Variants in SUCLA2 observed in about 807,000 individuals in gnomAD.
SUCLA2 encodes succinate--CoA ligase [ADP-forming] subunit beta, mitochondrial.
A neutral mutation model predicts 54.8 loss-of-function variants in SUCLA2; 30 were observed. That is an observed-to-expected ratio of 0.55 (90% confidence interval 0.41 to 0.74). The LOEUF (loss-of-function observed/expected upper bound fraction) is 0.74, where lower values mean the gene tolerates loss of function less well. SUCLA2 is among the 30% of genes least tolerant of loss of function. The pLI is 0.00. For missense variants in SUCLA2, 476 were observed against 562.9 expected (o/e 0.85, Z 1.56); for synonymous variants, 172 against 188.9 (o/e 0.91, Z 0.74).
chr13:47,968,855 T>C (rs1949939466), intron 5 of SUCLA2, 122 bp from the exon 6 acceptor site: 1 of 1,131,372 alleles, frequency 8.8e-7, no homozygotes, highest in Non-Finnish European at 1.2e-6. Context: ...TAGTCAAACA[T>C]TACTGAAATA....
chr13:47,956,446 G>A (rs1054856751), intron 6 of SUCLA2, among the ~76,000 whole-genome samples: 12 of 152,052 alleles, frequency 7.9e-5, no homozygotes, highest in Non-Finnish European at 1.3e-4. Context: ...TGGAAGAAAA[G>A]GAGAATGGGA....
chr13:47,976,352 C>T (rs978335367), intron 4 of SUCLA2, among the ~76,000 whole-genome samples: 1 of 152,166 alleles, frequency 6.6e-6, no homozygotes, highest in Non-Finnish European at 1.5e-5. Context: ...TTCATTTTAT[C>T]CACATCAGCA....
intron 4 of SUCLA2, among the ~76,000 whole-genome samples, chr13:47,973,953 G>A (rs1730456007): frequency 6.6e-6 from 1 of 152,100 alleles, no homozygotes; most frequent in African/African-American, 2.4e-5. Context: ...GCTGGGGCAA[G>A]GGGAGGGATA....
intron 2 of SUCLA2, chr13:47,991,613 A>C (rs749950321): frequency 7.9e-5 from 12 of 152,262 alleles, no homozygotes; most frequent in Non-Finnish European, 1.2e-4. Context: ...CCAGGAGGGC[A>C]GAATCTTTGT....
At chr13:47,951,052 T>A (rs1949771348) in intron 8 of SUCLA2, among the ~76,000 whole-genome samples, 1 of 152,156 alleles carries the variant, frequency 6.6e-6, no homozygotes, top group African/African-American at 2.4e-5. Context: ...AGAGTTTCCA[T>A]ATTCACCACC....
At chr13:47,952,022 A>C (rs916895540) in intron 8 of SUCLA2, among the ~76,000 whole-genome samples, 2 of 151,024 alleles carry the variant, frequency 1.3e-5, no homozygotes, top group African/African-American at 4.9e-5. Flanking sequence ...CTGGAAGAGT[A>C]ATCTCTCCTG....
At chr13:47,983,050 G>C (rs7327806) in intron 4 of SUCLA2, among the ~76,000 whole-genome samples, 66 of 152,164 alleles carry the variant, frequency 4.3e-4, no homozygotes, top group African/African-American at 1.3e-3. Flanking sequence ...TCAAGTGCAG[G>C]ACTATGCTCT....
Position 47,999,612 on chromosome 13 carries a change from C to T in SUCLA2, c.90+1568G>A, listed in dbSNP as rs183477864. Among the ~76,000 whole-genome samples the T allele has an allele frequency of 6.1e-4, 92 of 151,764 alleles. No individual in the cohort carries two copies. The East Asian group carries it at 0.016, about 27-fold the overall frequency. On this transcript the variant is annotated intron_variant, in intron 1 of 10. Transcript: ENST00000646932. The stretch of plus-strand genomic sequence containing the variant: ...GTCCCAGCTACTAGGGAGGCTGAGG[C>T]AGGAGAATGGCATGAACCCGGGAGG...
intron 5 of SUCLA2, among the ~76,000 whole-genome samples, chr13:47,970,518 T>G (rs1471886440): frequency 6.6e-6 from 1 of 152,220 alleles, no homozygotes; most frequent in Admixed American, 6.5e-5. Context: ...TCAATTTGCT[T>G]TATTCTCCAT....
intron 4 of SUCLA2, among the ~76,000 whole-genome samples, chr13:47,982,889 C>A (rs985493281): frequency 6.6e-6 from 1 of 152,098 alleles, no homozygotes; most frequent in African/African-American, 2.4e-5. Flanking sequence ...TATCCTTTGG[C>A]TATAATAAAA....
chr13:47,949,024 T>C lies in SUCLA2; in HGVS notation c.1233A>G (p.Thr411=). The C allele has an allele frequency of 6.2e-7, 1 of 1,613,534 alleles. No homozygotes were observed. The highest frequency in any genetic ancestry group is 8.5e-7 in the Non-Finnish European group (1 of 1,179,512). Residue 411 remains threonine, a synonymous_variant, in exon 10 of 11, where the codon ACA becomes ACG. Coordinates refer to ENST00000646932, the MANE Select transcript of SUCLA2 (RefSeq NM_003850.3). The part of the protein sequence containing the change: ...KIPVVVRLQG[T]RVDDAKALIA... ...TCAGTGCCTTAGCATCATCGACTCG[T>C]GTACCTGTAAATGATTTATGCAAAT...
Position 47,989,525 on chromosome 13 carries a change from C to T in SUCLA2, c.272-544G>A, listed in dbSNP as rs558995697. ...TGCTGGGATTACAGGCATGAGCCACCGCACCTGGCCACATTAAACCATTTC... is the reference window on the plus strand; with the variant it reads ...TGCTGGGATTACAGGCATGAGCCACTGCACCTGGCCACATTAAACCATTTC... On this transcript the variant is annotated intron_variant, in intron 2 of 10. Coordinates refer to ENST00000646932, the MANE Select transcript of SUCLA2 (RefSeq NM_003850.3). Among the ~76,000 whole-genome samples, 539 of 148,866 alleles carry T rather than the reference C, an allele frequency of 3.6e-3. 4 individuals carry two copies. Among genetic ancestry groups the T allele is most frequent in the African/African-American group, 0.012 (506 of 40,652 alleles).
chr13:47,980,202 G>A (rs1047394117), intron 4 of SUCLA2, among the ~76,000 whole-genome samples: 1 of 152,098 alleles, frequency 6.6e-6, no homozygotes, highest in African/African-American at 2.4e-5. Context: ...AGATCATGAG[G>A]TCAGGAGATC....
intron 9 of SUCLA2, among the ~76,000 whole-genome samples, chr13:47,949,269 C>A (rs547285109): frequency 6.6e-6 from 1 of 152,130 alleles, no homozygotes; most frequent in African/African-American, 2.4e-5. Context: ...AGACAAATCA[C>A]AACAAATAAA....
rs890619642 is a variant in SUCLA2 at position 47,993,591 on chromosome 13, T to C, written c.271+3252A>G. Reference sequence around the variant, plus strand: ...AGAAAATGATGGACATGGTAGGAAATACTGGGTAAAGAGGCTCAGTGGCCC... The same window carrying C: ...AGAAAATGATGGACATGGTAGGAAACACTGGGTAAAGAGGCTCAGTGGCCC... On this transcript the variant is annotated intron_variant, in intron 2 of 10. Transcript: ENST00000646932. Among the ~76,000 whole-genome samples the C allele has an allele frequency of 3.3e-5, 5 of 152,302 alleles. No homozygotes were observed. In the South Asian group the frequency reaches 1.0e-3, roughly 32 times the overall value.
chr13:47,979,281 C>T (rs939101734), intron 4 of SUCLA2, among the ~76,000 whole-genome samples: 3 of 152,166 alleles, frequency 2.0e-5, no homozygotes, highest in Non-Finnish European at 4.4e-5. Context: ...AAATGTGGCA[C>T]ATATACACCA....
At chr13:47,966,258 A>AT (rs1233907574) in intron 6 of SUCLA2, among the ~76,000 whole-genome samples, 1 of 152,108 alleles carries the variant, frequency 6.6e-6, no homozygotes, top group Non-Finnish European at 1.5e-5. Context: ...TATAGTATTT[A>AT]TTTCTGTATC....
chr13:47,944,987 T>C (rs973577784), intron 10 of SUCLA2, among the ~76,000 whole-genome samples: 38 of 151,936 alleles, frequency 2.5e-4, no homozygotes, highest in Middle Eastern at 3.4e-3. Context: ...GCGCAGTGGC[T>C]CACACCTGAA....
At chr13:47,943,718 T>C (rs1319859898) in intron 10 of SUCLA2, among the ~76,000 whole-genome samples, 1 of 149,524 alleles carries the variant, frequency 6.7e-6, no homozygotes. Flanking sequence ...AGATTATATA[T>C]GTGTGTATAA....
Sources: gnomAD v4.1 joint callset for allele counts (sites outside exome capture counted in the v4.1 genomes callset) on GRCh38, gnomAD v4.1.1 for gene constraint, MANE v1.5 for transcripts, NCBI Gene and HGNC (gene_info 2026-07-23, HGNC 2026-07-21) for gene names.